CENPP: variants seen among roughly 807,000 people sequenced by gnomAD.
CENPP encodes centromere protein P.
A neutral mutation model predicts 35.6 loss-of-function variants in CENPP; 24 were observed. That is an observed-to-expected ratio of 0.67 (90% confidence interval 0.49 to 0.95). The LOEUF (loss-of-function observed/expected upper bound fraction) is 0.95, where lower values mean the gene tolerates loss of function less well. Ranked by LOEUF, CENPP falls within the 40% of genes least tolerant of loss-of-function variation. The pLI is 0.00. For synonymous variants in CENPP, 120 were observed against 125.5 expected, an observed-to-expected ratio of 0.96 and a Z score of 0.29; for missense variants, 332 against 345.3, an observed-to-expected ratio of 0.96 and a Z score of 0.31.
chr9:92,607,564 T>C (rs1851117261), intron 5 of CENPP, among the ~76,000 whole-genome samples: 1 of 152,236 alleles, frequency 6.6e-6, no homozygotes, highest in Non-Finnish European at 1.5e-5. Flanking sequence ...ATGTCTCATA[T>C]AATTTATATG....
intron 5 of CENPP, among the ~76,000 whole-genome samples, chr9:92,412,182 G>T (rs1843464151): frequency 6.6e-6 from 1 of 151,978 alleles, no homozygotes; most frequent in Non-Finnish European, 1.5e-5. Context: ...GGTCTCCGGG[G>T]CTCAAGCAAT....
chr9:92,549,895 A>G (rs1395501941), intron 5 of CENPP, among the ~76,000 whole-genome samples: 2 of 152,186 alleles, frequency 1.3e-5, no homozygotes, highest in Admixed American at 1.3e-4. Flanking sequence ...CAATGTGGAC[A>G]AAGTACAGTA....
In CENPP at chr9:92,619,723, G is replaced by A; in HGVS notation, c.*6574G>A. ...GCCACGGTGAGCACGGGCGTCAGGA[G>A]GTCGCCCTGTGAGAGCACCTGGGCC... is the stretch of plus-strand genomic sequence containing the variant. On this transcript the variant is annotated 3_prime_UTR_variant, in exon 8 of 8. Transcript: ENST00000375587. The A allele has an allele frequency of 3.0e-6, 2 of 674,500 alleles. No individual in the cohort carries two copies. The highest frequency in any genetic ancestry group is 5.5e-5 in the East Asian group (2 of 36,162). 41.8% of individuals were successfully genotyped at this position (674,500 alleles called of 1,614,324 possible). A position where few individuals can be genotyped will look rare whatever the true frequency, so the allele number is the denominator to read the frequency against.
At chr9:92,360,811 T>G (rs924210688) in intron 4 of CENPP, among the ~76,000 whole-genome samples, 1 of 151,924 alleles carries the variant, frequency 6.6e-6, no homozygotes, top group African/African-American at 2.4e-5. Flanking sequence ...TTCACACCAT[T>G]CTTCTGCCTC....
At chr9:92,439,560 G>A in intron 5 of CENPP, among the ~76,000 whole-genome samples, 1 of 152,140 alleles carries the variant, frequency 6.6e-6, no homozygotes, top group Non-Finnish European at 1.5e-5. Flanking sequence ...TCTCTCTGGA[G>A]AATCAGTTTT....
At chr9:92,526,297 GAA>G (rs1445920308) in intron 5 of CENPP, among the ~76,000 whole-genome samples, 20 of 152,124 alleles carry the variant, frequency 1.3e-4, no homozygotes, top group African/African-American at 4.6e-4. Flanking sequence ...TATAAAGAAA[GAA>G]AATATTTTTG....
chr9:92,493,798 C>A, intron 5 of CENPP: 1 of 224,910 alleles, frequency 4.4e-6, no homozygotes, highest in Non-Finnish European at 8.7e-6. Context: ...GAAATAAGTA[C>A]AACTTCCACT....
intron 5 of CENPP, among the ~76,000 whole-genome samples, chr9:92,452,176 C>T (rs1844731417): frequency 2.0e-5 from 3 of 151,486 alleles, no homozygotes; most frequent in Non-Finnish European, 2.9e-5. Context: ...TGTCTTGTGC[C>T]ACTTTTCAAA....
intron 5 of CENPP, among the ~76,000 whole-genome samples, chr9:92,389,088 T>A (rs1410940173): frequency 6.6e-6 from 1 of 152,186 alleles, no homozygotes; most frequent in Admixed American, 6.5e-5. Flanking sequence ...GAATATTTGA[T>A]AGTTTCTGAA....
intron 5 of CENPP, among the ~76,000 whole-genome samples, chr9:92,473,216 T>A (rs1845591056): frequency 6.6e-6 from 1 of 152,158 alleles, no homozygotes; most frequent in Non-Finnish European, 1.5e-5. Context: ...TTTTATGCAA[T>A]GTCTCATGCA....
At chr9:92,493,963 G>T in intron 5 of CENPP, 1 of 830,288 alleles carries the variant, frequency 1.2e-6, no homozygotes, top group Non-Finnish European at 1.9e-6. Context: ...GGCCGTTGAG[G>T]GTGGCCGTAG....
At chr9:92,353,374 C>T (rs902788759) in intron 4 of CENPP, among the ~76,000 whole-genome samples, 1 of 152,136 alleles carries the variant, frequency 6.6e-6, no homozygotes, top group Non-Finnish European at 1.5e-5. Flanking sequence ...TGGAGCGACC[C>T]AAACCTTCAT....
intron 2 of CENPP, among the ~76,000 whole-genome samples, chr9:92,336,413 G>A (rs905100620): frequency 1.3e-5 from 2 of 152,100 alleles, no homozygotes; most frequent in African/African-American, 2.4e-5. Flanking sequence ...CTCGTATTCT[G>A]CTATGTAAAT....
intron 5 of CENPP, chr9:92,474,732 G>T: frequency 6.3e-7 from 1 of 1,588,610 alleles, no homozygotes; most frequent in South Asian, 1.1e-5. Flanking sequence ...GTTGGAAAAA[G>T]AGAGTTGTCC....
chr9:92,528,765 A>C (rs1848568604), intron 5 of CENPP, among the ~76,000 whole-genome samples: 1 of 144,540 alleles, frequency 6.9e-6, no homozygotes, highest in Non-Finnish European at 1.5e-5. Flanking sequence ...TTTCTGAAAG[A>C]ATTAAACTGC....
At chr9:92,590,461 T>C (rs931161564) in intron 5 of CENPP, among the ~76,000 whole-genome samples, 4 of 152,228 alleles carry the variant, frequency 2.6e-5, no homozygotes, top group South Asian at 2.1e-4. Context: ...TTTTAGGAAA[T>C]TGGAATCTGT....
intron 5 of CENPP, among the ~76,000 whole-genome samples, chr9:92,580,007 A>C (rs1232242761): frequency 1.3e-5 from 2 of 149,616 alleles, no homozygotes; most frequent in Non-Finnish European, 3.0e-5. Context: ...AGTTTTTAGC[A>C]TGAAGGGTTG....
At chr9:92,421,374 A>T (rs1843788304) in intron 5 of CENPP, among the ~76,000 whole-genome samples, 1 of 152,152 alleles carries the variant, frequency 6.6e-6, no homozygotes, top group Non-Finnish European at 1.5e-5. Flanking sequence ...AGGAATTTGC[A>T]CTCTGGGAAT....
intron 4 of CENPP, among the ~76,000 whole-genome samples, chr9:92,347,470 T>C (rs1194822868): frequency 6.6e-6 from 1 of 152,254 alleles, no homozygotes; most frequent in African/African-American, 2.4e-5. Flanking sequence ...TGAACATAGG[T>C]CAGAAGACCT....
Sources: gnomAD v4.1 joint callset for allele counts (sites outside exome capture counted in the v4.1 genomes callset) on GRCh38, gnomAD v4.1.1 for gene constraint, MANE v1.5 for transcripts, NCBI Gene and HGNC (gene_info 2026-07-23, HGNC 2026-07-21) for gene names.